Variants in KCNQ1OT1 observed in about 807,000 individuals in gnomAD.
KCNQ1OT1 encodes KCNQ1 antisense RNA 2 (non-protein coding).
At chr11:2,628,954 A>C (rs1388231744) in exon 1 of KCNQ1OT1, 2 of 398,226 alleles carry the variant, frequency 5.0e-6, no homozygotes, top group Admixed American at 8.8e-5. Context: ...TATGCTTTCT[A>C]TTCTGTTCCA....
rs530779759 is a variant in KCNQ1OT1, at chr11:2,676,561, T to A, written n.23434A>T. The A allele has an allele frequency of 7.5e-6, 3 of 398,648 alleles. No individual in the cohort carries two copies. Among genetic ancestry groups the A allele is most frequent in the Non-Finnish European group, 1.3e-5 (3 of 226,062 alleles). The allele number at this position is 398,648 out of a possible 1,614,324, so 24.7% of individuals were successfully genotyped here. ...TGGTACAGGAAAGGTCTAAGAAGGC[T>A]AAGGACCATCATACTGGGTATTCAA... On this transcript the variant is annotated non_coding_transcript_exon_variant, in exon 1 of 1. Transcript: ENST00000597346. This position sits in a 1 kb window ranked among gnomAD's most constrained non-coding sequence, Gnocchi z 4.2.
In KCNQ1OT1 at chr11:2,674,682, T is replaced by C. The variant is rs1208827333; in HGVS notation, n.25313A>G. The C allele has an allele frequency of 2.5e-6, 1 of 398,284 alleles. No individual in the cohort carries two copies. The highest frequency in any genetic ancestry group is 1.3e-4 in the South Asian group (1 of 7,838). 24.7% of individuals were successfully genotyped at this position (398,284 alleles called of 1,614,324 possible). A position where few individuals can be genotyped will look rare whatever the true frequency, so the allele number is the denominator to read the frequency against. On this transcript the variant is annotated non_coding_transcript_exon_variant, in exon 1 of 1. Coordinates refer to ENST00000597346, the Ensembl canonical transcript of KCNQ1OT1. This position sits in a 1 kb window ranked among gnomAD's most constrained non-coding sequence, Gnocchi z 5.9. ...TTTGCAAAATAATTTGAAAAGTTTG[T>C]TGAACCTTAAACCTTTCCTGATGAC...
At chr11:2,634,839 C>T (rs1249083529) in exon 1 of KCNQ1OT1, 4 of 152,202 alleles carry the variant, frequency 2.6e-5, no homozygotes, top group African/African-American at 9.6e-5. Flanking sequence ...TCTCCAGCAC[C>T]TGTTGTTTCC....
At chr11:2,675,551 T>C (rs1850278604) in exon 1 of KCNQ1OT1, 1 of 398,576 alleles carries the variant, frequency 2.5e-6, no homozygotes, top group Non-Finnish European at 4.4e-6. Context: ...CTGGAAATTC[T>C]GTAATAAGAC....
At chr11:2,696,082 A>G (rs4930148) in exon 1 of KCNQ1OT1, 26,727 of 398,568 alleles carry the variant, frequency 0.067, 1,038 homozygotes, top group Middle Eastern at 0.11. Flanking sequence ...GCCATGATGG[A>G]TTTATTTAAC....
exon 1 of KCNQ1OT1, chr11:2,699,825 G>A (rs1412517059): frequency 7.6e-6 from 3 of 396,028 alleles, no homozygotes; most frequent in Admixed American, 8.9e-5. Context: ...GATGACTGAC[G>A]CACCGAGGAG....
Position 2,673,560 on chromosome 11 carries a change from T to G in KCNQ1OT1, n.26435A>C. On this transcript the variant is annotated non_coding_transcript_exon_variant, in exon 1 of 1. Coordinates refer to ENST00000597346, the Ensembl canonical transcript of KCNQ1OT1. This position sits in a 1 kb window ranked among gnomAD's most constrained non-coding sequence, Gnocchi z 4.5. ...TCTCAGCCTATCCCCTCCCTGGCCA[T>G]GCAGGTGGAAGACCCTATTACTTGG... The G allele has an allele frequency of 5.0e-6, 2 of 398,670 alleles. No individual in the cohort carries two copies. Among genetic ancestry groups the G allele is most frequent in the Non-Finnish European group, 8.8e-6 (2 of 226,104 alleles). 24.7% of individuals were successfully genotyped at this position (398,670 alleles called of 1,614,324 possible).
rs1850114608 is a variant in KCNQ1OT1 at position 2,668,021 on chromosome 11, G to A, written n.31974C>T. On this transcript the variant is annotated non_coding_transcript_exon_variant, in exon 1 of 1. Transcript: ENST00000597346. The surrounding 1 kb of genome is among the most constrained non-coding windows in gnomAD (Gnocchi z 4.3). ...AGATTAACCACAGGCCTAACTGCTA[G>A]CAGCAAGGACCAGCTTTGCCCACAT... The A allele has an allele frequency of 2.5e-6, 1 of 398,510 alleles. No homozygotes were observed. The allele number at this position is 398,510 out of a possible 1,614,324, so 24.7% of individuals were successfully genotyped here.
At chr11:2,632,393 C>A (rs1849374990) in exon 1 of KCNQ1OT1, 1 of 398,394 alleles carries the variant, frequency 2.5e-6, no homozygotes, top group Non-Finnish European at 4.4e-6. Context: ...TAGAAAGCCA[C>A]TACTATGTTT....
chr11:2,662,062 C>T lies in KCNQ1OT1; in HGVS notation n.37933G>A, dbSNP rs769966014. Reference sequence around the variant, plus strand: ...CCTGGAAGGGGAGACTCTGCTGACACCCATCACCCACATCTCACAGTGAGT... The same window carrying T: ...CCTGGAAGGGGAGACTCTGCTGACATCCATCACCCACATCTCACAGTGAGT... On this transcript the variant is annotated non_coding_transcript_exon_variant, in exon 1 of 1. Coordinates refer to ENST00000597346, the Ensembl canonical transcript of KCNQ1OT1. 6 of 1,614,224 alleles carry T rather than the reference C, an allele frequency of 3.7e-6. No individual in the cohort carries two copies. The South Asian group carries it at 5.5e-5, about 15-fold the overall frequency.
chr11:2,672,556 GC>G (rs1200359213), exon 1 of KCNQ1OT1: 1 of 398,544 alleles, frequency 2.5e-6, no homozygotes, highest in East Asian at 3.6e-5. Flanking sequence ...TTGGAAGGTG[GC>G]CTTATCAAAC....
At chr11:2,649,801 G>A in exon 1 of KCNQ1OT1, 1 of 398,384 alleles carries the variant, frequency 2.5e-6, no homozygotes, top group Non-Finnish European at 4.4e-6. Context: ...TCTATTTAGG[G>A]ATTTGTGAGC....
At chr11:2,641,108 G>T in exon 1 of KCNQ1OT1, 1 of 398,450 alleles carries the variant, frequency 2.5e-6, no homozygotes. Context: ...TTGCTGTTGT[G>T]AATAGTGCTG....
At chr11:2,692,119 T>G (rs1304444842) in exon 1 of KCNQ1OT1, 7 of 398,624 alleles carry the variant, frequency 1.8e-5, no homozygotes, top group Non-Finnish European at 3.1e-5. Flanking sequence ...CATCATTTTA[T>G]AGCCCACTCT....
At chr11:2,697,490 G>T in exon 1 of KCNQ1OT1, 2 of 398,566 alleles carry the variant, frequency 5.0e-6, no homozygotes, top group Non-Finnish European at 8.8e-6. Context: ...GAAAAGTTAA[G>T]TTTTGGTTTA....
chr11:2,676,272 G>A lies in KCNQ1OT1; in HGVS notation n.23723C>T, dbSNP rs1159199211. On this transcript the variant is annotated non_coding_transcript_exon_variant, in exon 1 of 1. Transcript: ENST00000597346. The surrounding 1 kb of genome is among the most constrained non-coding windows in gnomAD (Gnocchi z 4.2). ...CTGAGAAGCATTTTTATTGCAAAAT[G>A]TGTGTTTACATGTATACAGACACAC... 7.5e-6 allele frequency: 3 copies of A among 398,524 alleles called. No homozygotes were observed. The highest frequency in any genetic ancestry group is 1.3e-5 in the Non-Finnish European group (3 of 226,082). The allele number at this position is 398,524 out of a possible 1,614,324, so 24.7% of individuals were successfully genotyped here. A position where few individuals can be genotyped will look rare whatever the true frequency, so the allele number is the denominator to read the frequency against.
chr11:2,648,594 T>C (rs1849703533), exon 1 of KCNQ1OT1: 7 of 398,430 alleles, frequency 1.8e-5, no homozygotes, highest in Non-Finnish European at 2.2e-5. Flanking sequence ...AAGTTCCTCT[T>C]GTTATTGATT....
In KCNQ1OT1 at chr11:2,661,079, C is replaced by T. The variant is rs950184880; in HGVS notation, n.38916G>A. ...ACAGGAACAGAGTCACAGTGACATC[C>T]CATGTGCATAAAAGCAACTCCCACC... On this transcript the variant is annotated non_coding_transcript_exon_variant, in exon 1 of 1. Transcript: ENST00000597346. The surrounding 1 kb of genome is among the most constrained non-coding windows in gnomAD (Gnocchi z 5.9). 2.5e-6 allele frequency: 1 copy of T among 398,196 alleles called. No individual in the cohort carries two copies. Among genetic ancestry groups the T allele is most frequent in the Non-Finnish European group, 4.4e-6 (1 of 226,032 alleles). 24.7% of individuals were successfully genotyped at this position (398,196 alleles called of 1,614,324 possible).
exon 1 of KCNQ1OT1, chr11:2,650,365 A>C (rs1289359215): frequency 5.0e-6 from 2 of 398,364 alleles, no homozygotes; most frequent in African/African-American, 4.1e-5. Flanking sequence ...ATATCTGCAT[A>C]TCTGGAATAA....
Sources: allele counts gnomAD v4.1 joint callset, GRCh38; gene constraint gnomAD v4.1.1; non-coding constraint Gnocchi (gnomAD v3.1); transcripts MANE v1.5; gene names NCBI Gene and HGNC (gene_info 2026-07-23, HGNC 2026-07-21).